Variants in ARMC2 observed in about 807,000 individuals in gnomAD.
ARMC2 encodes the protein armadillo repeat containing 2.
Under a neutral mutation model 90.3 loss-of-function variants are expected in ARMC2, and 67 were observed. That is an observed-to-expected ratio of 0.74 (90% confidence interval 0.61 to 0.91). The LOEUF (loss-of-function observed/expected upper bound fraction) is 0.91, where lower values mean the gene tolerates loss of function less well. Ranked by LOEUF, ARMC2 falls within the 40% of genes least tolerant of loss-of-function variation. ARMC2 has a pLI of 0.00. For missense variants in ARMC2, 920 were observed against 1,030.9 expected (o/e 0.89, Z 1.47); for synonymous variants, 393 against 393.0 (o/e 1.00, Z 0.00).
In ARMC2 at chr6:108,862,932, C is replaced by T. The variant is rs949270085; in HGVS notation, c.291+4661C>T. On this transcript the variant is annotated intron_variant, in intron 3 of 17. Coordinates refer to ENST00000392644, the MANE Select transcript of ARMC2 (RefSeq NM_032131.6). ...TCAATGCTGCTTTTGTACAGCTGCC[C>T]TCTCTCTTTCTCCCCATCCTATCTG... is the stretch of plus-strand genomic sequence containing the variant. Among the ~76,000 whole-genome samples the T allele has an allele frequency of 1.4e-4, 22 of 152,138 alleles. 1 individual carries two copies. Among genetic ancestry groups the T allele is most frequent in the Non-Finnish European group, 3.2e-4 (22 of 68,026 alleles).
the ARMC2 span, among the ~76,000 whole-genome samples, chr6:109,045,835 A>G: frequency 6.6e-6 from 1 of 152,144 alleles, no homozygotes; most frequent in East Asian, 1.9e-4. Context: ...CTGTTTCTCC[A>G]GTGTCTGGCA....
chr6:109,029,012 T>G, the ARMC2 span, among the ~76,000 whole-genome samples: 2 of 152,206 alleles, frequency 1.3e-5, no homozygotes, highest in Non-Finnish European at 2.9e-5. Flanking sequence ...ACTTCATAAG[T>G]ATAAAATTCT....
the ARMC2 span, among the ~76,000 whole-genome samples, chr6:109,050,713 C>T: frequency 6.6e-6 from 1 of 152,166 alleles, no homozygotes; most frequent in Admixed American, 6.5e-5. Flanking sequence ...AGCTGATTTC[C>T]AGTCTGACCA....
the ARMC2 span, among the ~76,000 whole-genome samples, chr6:109,025,529 A>T: frequency 6.6e-6 from 1 of 150,626 alleles, no homozygotes; most frequent in Non-Finnish European, 1.5e-5. Context: ...TGACTGCCAG[A>T]AATCATCTGC....
intron 17 of ARMC2, among the ~76,000 whole-genome samples, chr6:108,971,626 A>G (rs552065130): frequency 2.0e-5 from 3 of 152,240 alleles, no homozygotes; most frequent in Admixed American, 6.5e-5. Context: ...TGGCCCTTAA[A>G]AAAAAAGTAT....
chr6:108,987,574 A>C, the ARMC2 span: 4 of 1,605,232 alleles, frequency 2.5e-6, no homozygotes, highest in Non-Finnish European at 3.4e-6. Context: ...TGGCTCTCAG[A>C]GCATAAAGGA....
At chr6:109,044,252 C>A in the ARMC2 span, among the ~76,000 whole-genome samples, 1 of 130,580 alleles carries the variant, frequency 7.7e-6, no homozygotes, top group Non-Finnish European at 1.5e-5. Context: ...GATACCAGGG[C>A]AGTGAGCCGT....
chr6:108,953,095 T>A lies in ARMC2; in HGVS notation c.1659T>A (p.Arg553=), dbSNP rs1442225416. 3.1e-6 allele frequency: 5 copies of A among 1,613,706 alleles called. No individual in the cohort carries two copies. The East Asian group carries it at 1.1e-4, about 36-fold the overall frequency. The change falls in exon 13 of 18, where the codon CGT becomes CGA. Residue 553 remains arginine, a synonymous_variant. Transcript: ENST00000392644. ...TGACGGCAAAAAATAACCAGGCTCG[T>A]GAACAATTTTCCAAAGAGAAAGGGA... is the stretch of plus-strand genomic sequence containing the variant. ...GNLTAKNNQA[R]EQFSKEKGSI...
At chr6:109,025,307 C>T in the ARMC2 span, among the ~76,000 whole-genome samples, 293 of 151,942 alleles carry the variant, frequency 1.9e-3, 1 homozygote, top group Non-Finnish European at 3.0e-3. Context: ...TTATTACCTA[C>T]CTGCTCTTAA....
At chr6:108,866,302 G>A (rs899408905) in intron 3 of ARMC2, among the ~76,000 whole-genome samples, 28 of 152,158 alleles carry the variant, frequency 1.8e-4, no homozygotes, top group African/African-American at 6.0e-4. Context: ...CATGGCCTAA[G>A]TAACATTCCT....
chr6:108,868,226 T>TG (rs920758322), intron 3 of ARMC2, among the ~76,000 whole-genome samples: 7 of 12,864 alleles, frequency 5.4e-4, no homozygotes, highest in South Asian at 4.5e-3. Context: ...TATTTGGGGG[T>TG]GGGGGGGCGG....
chr6:108,906,845 C>T (rs1358911412), intron 8 of ARMC2, among the ~76,000 whole-genome samples: 1 of 151,982 alleles, frequency 6.6e-6, no homozygotes, highest in Non-Finnish European at 1.5e-5. Context: ...TCTGGGGTTG[C>T]CACAGTAGCA....
At chr6:108,955,048 G>T (rs974454151) in intron 13 of ARMC2, among the ~76,000 whole-genome samples, 1 of 152,100 alleles carries the variant, frequency 6.6e-6, no homozygotes, top group African/African-American at 2.4e-5. Flanking sequence ...TTCTTGTAAG[G>T]GTACCAGCTC....
chr6:108,857,555 TA>T (rs1774774973), intron 2 of ARMC2, among the ~76,000 whole-genome samples: 1 of 152,240 alleles, frequency 6.6e-6, no homozygotes, highest in Non-Finnish European at 1.5e-5. Flanking sequence ...TGAAAAGCAG[TA>T]GTAAGAGGGG....
chr6:108,958,907 C>T (rs950368023), intron 13 of ARMC2, among the ~76,000 whole-genome samples: 10 of 152,200 alleles, frequency 6.6e-5, no homozygotes, highest in Admixed American at 2.6e-4. Context: ...TAAGGTCACA[C>T]GGCCAGTGAG....
chr6:108,850,463 TC>T (rs1773890836), intron 1 of ARMC2, among the ~76,000 whole-genome samples: 1 of 152,172 alleles, frequency 6.6e-6, no homozygotes. Flanking sequence ...TCATCTCTCC[TC>T]TAACCTCTGC....
At chr6:109,043,481 T>TA in the ARMC2 span, among the ~76,000 whole-genome samples, 3 of 152,098 alleles carry the variant, frequency 2.0e-5, no homozygotes, top group Admixed American at 6.5e-5. Flanking sequence ...AAGGAATTTA[T>TA]AAAAAACAAC....
intron 17 of ARMC2, among the ~76,000 whole-genome samples, chr6:108,970,903 CAGTG>C (rs1395899208): frequency 6.6e-6 from 1 of 152,112 alleles, no homozygotes; most frequent in Non-Finnish European, 1.5e-5. Context: ...ATCTGGAAAA[CAGTG>C]AGCAGGAAGA....
At chr6:108,894,081 A>G (rs923136699) in intron 5 of ARMC2, among the ~76,000 whole-genome samples, 1 of 152,252 alleles carries the variant, frequency 6.6e-6, no homozygotes, top group African/African-American at 2.4e-5. Flanking sequence ...CAGAAACTGT[A>G]TATCGGCTGG....
Sources: gnomAD v4.1 joint callset for allele counts (sites outside exome capture counted in the v4.1 genomes callset) on GRCh38, gnomAD v4.1.1 for gene constraint, MANE v1.5 for transcripts, NCBI Gene and HGNC (gene_info 2026-07-23, HGNC 2026-07-21) for gene names.